The following STOML1 variants were observed in gnomAD, a reference collection of about 807,000 sequenced individuals.
The protein encoded by STOML1 is stomatin-like protein 1.
STOML1 carries 27 observed loss-of-function variants against 35.7 expected under a neutral mutation model. The ratio of observed to expected loss-of-function variants is 0.76; its 90% CI spans 0.56 to 1.04. The LOEUF (loss-of-function observed/expected upper bound fraction) is 1.04, where lower values mean the gene tolerates loss of function less well. Ranked by LOEUF, STOML1 falls within the 50% of genes least tolerant of loss-of-function variation. The pLI, the probability that STOML1 is intolerant of heterozygous loss-of-function variation, is 0.00. For missense variants in STOML1, 451 were observed against 527.1 expected (o/e 0.86, Z 1.41); for synonymous variants, 219 against 227.9 (o/e 0.96, Z 0.35).
In STOML1 at chr15:73,981,602, G is replaced by T. The variant is rs1234208058; in HGVS notation, c.*2335C>A. Reference sequence around the variant, plus strand: ...GGTTCTAGTTCCCCGAAGCCCAGTTGCCTGACTGCCTCTTCCAGCTGTGCC... The same window carrying T: ...GGTTCTAGTTCCCCGAAGCCCAGTTTCCTGACTGCCTCTTCCAGCTGTGCC... On this transcript the variant is annotated 3_prime_UTR_variant, in exon 7 of 7. Coordinates refer to ENST00000541638, the MANE Select transcript of STOML1 (RefSeq NM_004809.5). The T allele has an allele frequency of 6.6e-6, 1 of 152,176 alleles. No individual in the cohort carries two copies. The highest frequency in any genetic ancestry group is 2.4e-5 in the African/African-American group (1 of 41,440). The allele number at this position is 152,176 out of a possible 1,614,324, so 9.4% of individuals were successfully genotyped here.
rs1454992592 is a variant in STOML1 at position 73,980,766 on chromosome 15, G to C, written c.*3171C>G. ...CAACCAAAATTTAAATATTGGCTGG[G>C]TACAGTGGCTCACACCTGTAATCCC... On this transcript the variant is annotated 3_prime_UTR_variant, in exon 7 of 7. Transcript: ENST00000541638. 1 of 152,150 alleles carries C rather than the reference G, an allele frequency of 6.6e-6. No homozygotes were observed. The highest frequency in any genetic ancestry group is 2.1e-4 in the South Asian group (1 of 4,830). 9.4% of individuals were successfully genotyped at this position (152,150 alleles called of 1,614,324 possible).
chr15:73,985,397 G>A lies in STOML1; in HGVS notation c.711C>T (p.Ser237=). The change falls in exon 5 of 7, where the codon AGC becomes AGT. Residue 237 remains serine, a synonymous_variant. Transcript: ENST00000541638. ...QDSPAGPNLD[S]TLQQLALHFL... is the part of the protein sequence containing the mutation. ...AGTGCAGGGCCAGCTGCTGGAGGGT[G>A]CTGTCCAGGTTGGGCCCAGCTGGGC... 1.3e-6 allele frequency: 2 copies of A among 1,563,826 alleles called. No homozygotes were observed. The highest frequency in any genetic ancestry group is 2.4e-5 in the East Asian group (1 of 41,858).
rs1456422903 is a variant in STOML1, at chr15:73,981,742, A to T, written c.*2195T>A. The T allele has an allele frequency of 1.3e-5, 2 of 152,254 alleles. No homozygotes were observed. Among genetic ancestry groups the T allele is most frequent in the African/African-American group, 4.8e-5 (2 of 41,414 alleles). The allele number at this position is 152,254 out of a possible 1,614,324, so 9.4% of individuals were successfully genotyped here. A position where few individuals can be genotyped will look rare whatever the true frequency, so the allele number is the denominator to read the frequency against. On this transcript the variant is annotated 3_prime_UTR_variant, in exon 7 of 7. Transcript: ENST00000541638. Reference sequence around the variant, plus strand: ...TCCTCAGGAAAGCCTTCTCTGATTGACACACACCCTCCTCCTCCCTCTTCA... The same window carrying T: ...TCCTCAGGAAAGCCTTCTCTGATTGTCACACACCCTCCTCCTCCCTCTTCA...
chr15:73,990,858 T>C (rs1177119599), intron 1 of STOML1: 3 of 1,535,684 alleles, frequency 2.0e-6, no homozygotes, highest in Non-Finnish European at 2.6e-6. Flanking sequence ...AAACATGCAC[T>C]GAATACTGCT....
At chr15:73,989,382 G>C in intron 2 of STOML1, 125 bp from the exon 3 acceptor site, 1 of 1,155,292 alleles carries the variant, frequency 8.7e-7, no homozygotes, top group Admixed American at 3.3e-5. Context: ...CCCTAGCACT[G>C]TTTCCAGATG....
At chr15:73,990,146 T>A (rs909740058) in intron 2 of STOML1, 4 of 553,468 alleles carry the variant, frequency 7.2e-6, no homozygotes, top group Non-Finnish European at 1.3e-5. Context: ...TTCTACCCCC[T>A]ACTGGCTCCC....
At chr15:73,994,067 A>G (rs984474090), upstream of STOML1, among the ~76,000 whole-genome samples, 1 of 152,164 alleles carries the variant, frequency 6.6e-6, no homozygotes, top group Non-Finnish European at 1.5e-5. Context: ...CATCATGCAC[A>G]GCTGATCGTG....
chr15:73,990,220 T>C, intron 2 of STOML1, 131 bp downstream of exon 2: 2 of 788,084 alleles, frequency 2.5e-6, no homozygotes, highest in Non-Finnish European at 4.1e-6. Flanking sequence ...TGAATGGTTC[T>C]TGCCTAGCCC....
Position 73,988,739 on chromosome 15 carries a change from G to C in STOML1, c.454C>G (p.Pro152Ala). The C allele has an allele frequency of 6.2e-7, 1 of 1,614,178 alleles. No individual in the cohort carries two copies. Among genetic ancestry groups the C allele is most frequent in the Non-Finnish European group, 8.5e-7 (1 of 1,180,022 alleles). ...GADVQFRIWD[P>A]VLSVMTVKDL... ...TTCACAGTCATCACCGACAGCACCG[G>C]GTCCCAGATGCGAAACTGGACATCG... Residue 152 changes from proline (P) to alanine (A), a missense_variant, in exon 4 of 7, where the codon CCG becomes GCG. By Grantham distance (27) the Pro-to-Ala change is conservative. Transcript: ENST00000541638. This position sits in a 1 kb window ranked among gnomAD's most constrained non-coding sequence, Gnocchi z 4.8.
In STOML1 at chr15:73,989,143, G is replaced by A. The variant is rs778704434; in HGVS notation, c.355C>T (p.Leu119=). 2.5e-6 allele frequency: 4 copies of A among 1,611,598 alleles called. No homozygotes were observed. Among genetic ancestry groups the A allele is most frequent in the Non-Finnish European group, 3.4e-6 (4 of 1,178,664 alleles). Reference sequence around the variant, plus strand: ...GGGACGTTGAAGGCTCGTGTCCTCAGATCCACCCTCTGAAAGGAGTCAATG... The same window carrying A: ...GGGACGTTGAAGGCTCGTGTCCTCAAATCCACCCTCTGAAAGGAGTCAATG... ...PFIDSFQRVD[L]RTRAFNVPPC... The change falls in exon 3 of 7, where the codon CTG becomes TTG. Residue 119 remains leucine, a synonymous_variant. Transcript: ENST00000541638.
intron 4 of STOML1, chr15:73,987,684 T>C (rs2069139987): frequency 6.6e-6 from 1 of 152,236 alleles, no homozygotes; most frequent in South Asian, 2.1e-4. Context: ...AAATTATTTC[T>C]TAGCCTTAGC....
chr15:73,993,525 C>T (rs112105160), upstream of STOML1, among the ~76,000 whole-genome samples: 43 of 152,298 alleles, frequency 2.8e-4, no homozygotes, highest in East Asian at 7.5e-3. Flanking sequence ...GAGTACTGAC[C>T]AGGCTGGAGG....
intron 4 of STOML1, chr15:73,987,580 T>A (rs1286850637): frequency 6.6e-6 from 1 of 152,236 alleles, no homozygotes; most frequent in Non-Finnish European, 1.5e-5. Flanking sequence ...TTGTGTTAGA[T>A]CAAGCACTGG....
intron 1 of STOML1, among the ~76,000 whole-genome samples, chr15:73,991,469 T>C (rs577124528): frequency 2.6e-5 from 4 of 152,340 alleles, no homozygotes; most frequent in African/African-American, 9.6e-5. Flanking sequence ...GACTTCTGGA[T>C]AGGGAGAGCT....
Position 73,988,057 on chromosome 15 carries a change from T to C in STOML1, c.594+542A>G, listed in dbSNP as rs1315143412. ...TGCATGTGTATTTATTTCTACCCCA[T>C]CTTGTAGCAGAAGAGATTTAGGGCA... On this transcript the variant is annotated intron_variant, in intron 4 of 6. Coordinates refer to ENST00000541638, the MANE Select transcript of STOML1 (RefSeq NM_004809.5). This position sits in a 1 kb window ranked among gnomAD's most constrained non-coding sequence, Gnocchi z 4.8. The C allele has an allele frequency of 6.5e-6, 1 of 152,886 alleles. No individual in the cohort carries two copies. Among genetic ancestry groups the C allele is most frequent in the East Asian group, 1.9e-4 (1 of 5,204 alleles). 9.5% of individuals were successfully genotyped at this position (152,886 alleles called of 1,614,324 possible).
intron 1 of STOML1, among the ~76,000 whole-genome samples, chr15:73,991,413 G>A (rs1293283056): frequency 6.6e-6 from 1 of 152,264 alleles, no homozygotes; most frequent in Non-Finnish European, 1.5e-5. Context: ...CCAGAGCACT[G>A]AGGCTCCACT....
chr15:73,983,690 G>C lies in STOML1; in HGVS notation c.*247C>G. 1 of 452,110 alleles carries C rather than the reference G, an allele frequency of 2.2e-6. No homozygotes were observed. Among genetic ancestry groups the C allele is most frequent in the Non-Finnish European group, 3.9e-6 (1 of 253,558 alleles). 28.0% of individuals were successfully genotyped at this position (452,110 alleles called of 1,614,324 possible). Reference sequence around the variant, plus strand: ...CTCCTGGAATCACACCGTGCACCCAGCTCAGCGCTGGGCACTCAGCTGGGG... The same window carrying C: ...CTCCTGGAATCACACCGTGCACCCACCTCAGCGCTGGGCACTCAGCTGGGG... On this transcript the variant is annotated 3_prime_UTR_variant, in exon 7 of 7. Transcript: ENST00000541638.
intron 1 of STOML1, chr15:73,990,738 G>A: frequency 2.1e-6 from 3 of 1,429,016 alleles, no homozygotes; most frequent in Non-Finnish European, 2.9e-6. Flanking sequence ...TCAGAATCCA[G>A]TCCGCGTGAT....
rs1384331236 is a variant in STOML1, at chr15:73,980,414, A to T, written c.*3523T>A. On this transcript the variant is annotated 3_prime_UTR_variant, in exon 7 of 7. Transcript: ENST00000541638. ...CGGTCCACGACAGGTTGAATAATTT[A>T]TGATACATCCATACTGTGGAATCCT... 6.6e-6 allele frequency: 1 copy of T among 152,262 alleles called. No homozygotes were observed. Among genetic ancestry groups the T allele is most frequent in the Admixed American group, 6.5e-5 (1 of 15,286 alleles). The allele number at this position is 152,262 out of a possible 1,614,324, so 9.4% of individuals were successfully genotyped here.
Sources: allele counts gnomAD v4.1 joint callset (sites outside exome capture counted in the v4.1 genomes callset), GRCh38; gene constraint gnomAD v4.1.1; non-coding constraint Gnocchi (gnomAD v3.1); transcripts MANE v1.5; gene names NCBI Gene and HGNC (gene_info 2026-07-23, HGNC 2026-07-21).